ANKDD1A: variants seen among roughly 807,000 people sequenced by gnomAD.
The protein encoded by ANKDD1A is ankyrin repeat and death domain-containing protein 1A.
Under a neutral mutation model 63.5 loss-of-function variants are expected in ANKDD1A, and 59 were observed. The observed-to-expected ratio is 0.93, with a 90% CI of 0.75 to 1.15. ANKDD1A has a LOEUF of 1.15. Ranked by LOEUF, ANKDD1A falls within the 50% of genes most tolerant of loss-of-function variation. The pLI, the probability that ANKDD1A is intolerant of heterozygous loss-of-function variation, is 0.00. For synonymous variants in ANKDD1A, 266 were observed against 263.9 expected (o/e 1.01, Z -0.08); for missense variants, 632 against 656.4 (o/e 0.96, Z 0.41).
At chr15:64,954,833 GTTCT>G (rs200723016) in intron 14 of ANKDD1A, among the ~76,000 whole-genome samples, 2,844 of 130,732 alleles carry the variant, frequency 0.022, 43 homozygotes, top group Admixed American at 0.034. Context: ...TCTTTTTGTT[GTTCT>G]TTCTTCTTCC....
At chr15:64,928,260 A>G (rs936922061) in intron 6 of ANKDD1A, among the ~76,000 whole-genome samples, 1 of 152,232 alleles carries the variant, frequency 6.6e-6, no homozygotes, top group Non-Finnish European at 1.5e-5. Context: ...GAGTCCATCC[A>G]CACTCATCCT....
At chr15:64,952,977 T>TC (rs1491151946) in intron 14 of ANKDD1A, among the ~76,000 whole-genome samples, 72,119 of 112,560 alleles carry the variant, frequency 0.64, 19,644 homozygotes, top group East Asian at 0.87. Flanking sequence ...CTTTTCTTCT[T>TC]GTCTCTCCTT....
chr15:64,917,574 G>T lies in ANKDD1A; in HGVS notation c.267+60G>T, dbSNP rs1310185718. Reference sequence around the variant, plus strand: ...TGGGGGGCACTGGAGATCTCTCTGGGTCTATGAGCCAGTTGCCGAGATTGC... The same window carrying T: ...TGGGGGGCACTGGAGATCTCTCTGGTTCTATGAGCCAGTTGCCGAGATTGC... On this transcript the variant is annotated intron_variant, in intron 3 of 14. Coordinates refer to ENST00000319580, the MANE Select transcript of ANKDD1A (RefSeq NM_182703.6). The T allele has an allele frequency of 2.0e-6, 3 of 1,517,474 alleles. No homozygotes were observed. In the African/African-American group the frequency reaches 4.2e-5, roughly 21 times the overall value. The allele number at this position is 1,517,474 out of a possible 1,614,324, so 94.0% of individuals were successfully genotyped here. A position where few individuals can be genotyped will look rare whatever the true frequency, so the allele number is the denominator to read the frequency against.
At position 64,952,458 on chromosome 15, in the gene ANKDD1A, TCTC is replaced by T. The variant is rs922124203; in HGVS notation, c.1483+2489_1483+2491del. ...CTCCTCCTTTCTTCTTCTTAGTTCT[TCTC>T]CTTCTTCCTTCTCCTTCTTCTTCCT... On this transcript the variant is annotated intron_variant, in intron 14 of 14. Transcript: ENST00000319580. Among the ~76,000 whole-genome samples, 52 of 148,610 alleles carry T rather than the reference TCTC, an allele frequency of 3.5e-4. 1 individual carries two copies. Among genetic ancestry groups the T allele is most frequent in the Middle Eastern group, 7.0e-3 (2 of 284 alleles).
chr15:64,951,711 CTT>C (rs141107760), intron 14 of ANKDD1A, among the ~76,000 whole-genome samples: 38 of 61,906 alleles, frequency 6.1e-4, no homozygotes, highest in African/African-American at 2.2e-3. Context: ...TCCTTATTTT[CTT>C]TTTCTTCCCT....
chr15:64,930,918 G>A lies in ANKDD1A; in HGVS notation c.667G>A (p.Ala223Thr). 2.5e-6 allele frequency: 4 copies of A among 1,610,806 alleles called. No homozygotes were observed. The highest frequency in any genetic ancestry group is 1.7e-6 in the Non-Finnish European group (2 of 1,179,926). ...DIGLDLEEQN[A>T]EGLTALHSAA... Reference sequence around the variant, plus strand: ...CGGGCTGGACCTGGAGGAGCAGAATGCGGTGAGTCACCGCCTGGGGATGGC... The same window carrying A: ...CGGGCTGGACCTGGAGGAGCAGAATACGGTGAGTCACCGCCTGGGGATGGC... The change falls in exon 7 of 15, where the codon GCG (alanine) becomes ACG (threonine). Residue 223 changes from alanine to threonine, a missense_variant and splice_region_variant. Ala to Thr is a moderately conservative substitution (Grantham distance 58). Transcript: ENST00000319580.
At chr15:64,937,190 T>C (rs901376854) in intron 9 of ANKDD1A, among the ~76,000 whole-genome samples, 1 of 150,144 alleles carries the variant, frequency 6.7e-6, no homozygotes, top group Non-Finnish European at 1.5e-5. Context: ...TAGAAGTTGG[T>C]ACGATCTGTT....
Position 64,953,036 on chromosome 15 carries a change from C to CTTTCTTCT in ANKDD1A, c.1483+3067_1483+3074dup, listed in dbSNP as rs2085329279. On this transcript the variant is annotated intron_variant, in intron 14 of 14. Coordinates refer to ENST00000319580, the MANE Select transcript of ANKDD1A (RefSeq NM_182703.6). The stretch of plus-strand genomic sequence containing the variant: ...CTCCTTGTTCTTCTCCTCCTTCTTC[C>CTTTCTTCT]TTTCTTCTTTCCTCTCTTTTTTCTT... 1.7e-4 allele frequency among the ~76,000 whole-genome samples: 4 copies of CTTTCTTCT among 24,214 alleles called. No individual in the cohort carries two copies. In the South Asian group the frequency reaches 3.3e-3, roughly 20 times the overall value. The allele number at this position is 24,214 out of a possible 152,430, so 15.9% of individuals were successfully genotyped here.
chr15:64,940,205 G>C (rs929434602), intron 9 of ANKDD1A, among the ~76,000 whole-genome samples: 1 of 151,696 alleles, frequency 6.6e-6, no homozygotes, highest in African/African-American at 2.4e-5. Flanking sequence ...ATATACAGAT[G>C]GCAAATAAGC....
chr15:64,930,858 G>T lies in ANKDD1A; in HGVS notation c.607G>T (p.Gly203Cys). The change falls in exon 7 of 15, where the codon GGC becomes TGC. Residue 203 changes from glycine to cysteine, a missense_variant. Physicochemically the swap from Gly to Cys is radical, Grantham distance 159. Transcript: ENST00000319580. ...TGCCCTTCATCTGGCTGCTGGTCGG[G>T]GCCATATGGCTGTGCTGCAGCGACT... Reference protein sequence around the residue: ...NTALHLAAGRGHMAVLQRLVD... With the variant: ...NTALHLAAGRCHMAVLQRLVD... 1.2e-6 allele frequency: 2 copies of T among 1,613,130 alleles called. No individual in the cohort carries two copies. Among genetic ancestry groups the T allele is most frequent in the Non-Finnish European group, 8.5e-7 (1 of 1,179,992 alleles).
Position 64,953,467 on chromosome 15 carries a change from T to C in ANKDD1A, c.1483+3495T>C, listed in dbSNP as rs1318974223. Among the ~76,000 whole-genome samples, 6 of 94,780 alleles carry C rather than the reference T, an allele frequency of 6.3e-5. No individual in the cohort carries two copies. In the Admixed American group the frequency reaches 8.0e-4, roughly 13 times the overall value. 62.2% of individuals were successfully genotyped at this position (94,780 alleles called of 152,430 possible). A position where few individuals can be genotyped will look rare whatever the true frequency, so the allele number is the denominator to read the frequency against. Reference sequence around the variant, plus strand: ...TTTCTTCTTTCTTCTCTCCTTCTTCTTCTTCCTCTTCCTTCTCCTTCTTCT... The same window carrying C: ...TTTCTTCTTTCTTCTCTCCTTCTTCCTCTTCCTCTTCCTTCTCCTTCTTCT... On this transcript the variant is annotated intron_variant, in intron 14 of 14. Transcript: ENST00000319580.
intron 9 of ANKDD1A, among the ~76,000 whole-genome samples, chr15:64,941,622 A>C (rs1023916829): frequency 6.6e-6 from 1 of 152,212 alleles, no homozygotes; most frequent in Non-Finnish European, 1.5e-5. Context: ...ATGTGTGTGT[A>C]TATTCTGTTC....
intron 4 of ANKDD1A, among the ~76,000 whole-genome samples, chr15:64,925,167 G>T (rs542222708): frequency 6.7e-6 from 1 of 148,312 alleles, no homozygotes; most frequent in African/African-American, 2.5e-5. Flanking sequence ...GGTGGAAGTT[G>T]CAGTGAGCCG....
chr15:64,955,244 G>C (rs553456444), intron 14 of ANKDD1A, among the ~76,000 whole-genome samples: 1 of 152,086 alleles, frequency 6.6e-6, no homozygotes, highest in South Asian at 2.1e-4. Flanking sequence ...CAGTAGAGAC[G>C]GGGTTTCACT....
At chr15:64,939,595 CAGATCA>C (rs1343799294) in intron 9 of ANKDD1A, among the ~76,000 whole-genome samples, 3 of 152,126 alleles carry the variant, frequency 2.0e-5, no homozygotes, top group Non-Finnish European at 4.4e-5. Context: ...ACCTGCATGA[CAGATCA>C]AGACCTTGGC....
intron 10 of ANKDD1A, 105 bp from the exon 11 acceptor site, chr15:64,943,378 GA>G: frequency 2.2e-6 from 2 of 896,152 alleles, no homozygotes; most frequent in Non-Finnish European, 3.6e-6. Flanking sequence ...CTGCATTAAA[GA>G]AAAGACTAGA....
intron 14 of ANKDD1A, among the ~76,000 whole-genome samples, chr15:64,956,193 T>G (rs942980557): frequency 6.6e-6 from 1 of 152,100 alleles, no homozygotes; most frequent in African/African-American, 2.4e-5. Flanking sequence ...CCTTTCTCTC[T>G]TCACCTTTTG....
Position 64,917,377 on chromosome 15 carries a change from T to C in ANKDD1A, c.139-9T>C, listed in dbSNP as rs371733597. 4.2e-5 allele frequency: 68 copies of C among 1,600,258 alleles called. No homozygotes were observed. The African/African-American group carries it at 8.0e-4, about 19-fold the overall frequency. On this transcript the variant is annotated splice_polypyrimidine_tract_variant and intron_variant, in intron 2 of 14. Coordinates refer to ENST00000319580, the MANE Select transcript of ANKDD1A (RefSeq NM_182703.6). The stretch of plus-strand genomic sequence containing the variant: ...CAGCACCTGACAAGTGTCATCTCCC[T>C]CCGGGCAGGTGGGCAGGGTGGCCCT...
rs3057940 is a variant in ANKDD1A at position 64,917,519 on chromosome 15, G to GTGTCTGTCTGTC, written c.267+15_267+26dup. The GTGTCTGTCTGTC allele has an allele frequency of 9.2e-6, 14 of 1,529,128 alleles. No homozygotes were observed. The East Asian group carries it at 2.4e-4, about 27-fold the overall frequency. The allele number at this position is 1,529,128 out of a possible 1,614,324, so 94.7% of individuals were successfully genotyped here. On this transcript the variant is annotated splice_donor_region_variant and intron_variant, in intron 3 of 14. Coordinates refer to ENST00000319580, the MANE Select transcript of ANKDD1A (RefSeq NM_182703.6). Reference sequence around the variant, plus strand: ...CTCACAGAGGCACGTCTGTGTGTACGTGTCTGTCTGTCTGTCTGTCTCAGG... The same window carrying GTGTCTGTCTGTC: ...CTCACAGAGGCACGTCTGTGTGTACGTGTCTGTCTGTCTGTCTGTCTGTCTGTCTGTCTCAGG...
Sources: allele counts gnomAD v4.1 joint callset (sites outside exome capture counted in the v4.1 genomes callset), GRCh38; gene constraint gnomAD v4.1.1; transcripts MANE v1.5; gene names NCBI Gene and HGNC (gene_info 2026-07-23, HGNC 2026-07-21).